HMGB1: variants seen among roughly 807,000 people sequenced by gnomAD.
The protein encoded by HMGB1 is high mobility group box 1.
For synonymous variants in HMGB1, 81 were observed against 84.0 expected (o/e 0.96, Z 0.19); for missense variants, 79 against 253.5 (o/e 0.31, Z 4.67).
intron 1 of HMGB1, among the ~76,000 whole-genome samples, chr13:30,551,356 A>G (rs1481883451): frequency 6.6e-6 from 1 of 152,238 alleles, no homozygotes; most frequent in East Asian, 1.9e-4. Flanking sequence ...CTCACTGAGT[A>G]TAGGGGATTG....
intron 1 of HMGB1, among the ~76,000 whole-genome samples, chr13:30,574,193 A>G (rs987773466): frequency 5.3e-5 from 8 of 152,344 alleles, no homozygotes; most frequent in East Asian, 3.9e-4. Flanking sequence ...CCTACGTCCA[A>G]CTGGAATTAA....
At chr13:30,592,704 A>G (rs1487728344) in intron 1 of HMGB1, among the ~76,000 whole-genome samples, 1 of 152,204 alleles carries the variant, frequency 6.6e-6, no homozygotes, top group Non-Finnish European at 1.5e-5. Flanking sequence ...AAATCTAAAG[A>G]AAGTCAGGAA....
intron 4 of HMGB1, among the ~76,000 whole-genome samples, chr13:30,461,878 G>A (rs562719156): frequency 1.3e-5 from 2 of 151,952 alleles, no homozygotes; most frequent in African/African-American, 4.8e-5. Context: ...ATGCAAAAAA[G>A]CACTCTACAG....
intron 1 of HMGB1, among the ~76,000 whole-genome samples, chr13:30,550,823 T>C (rs1869393306): frequency 6.6e-6 from 1 of 152,256 alleles, no homozygotes; most frequent in Non-Finnish European, 1.5e-5. Context: ...TCATGTGTCA[T>C]ATATTACATT....
At chr13:30,561,715 T>C (rs762277014) in intron 1 of HMGB1, among the ~76,000 whole-genome samples, 4 of 151,998 alleles carry the variant, frequency 2.6e-5, no homozygotes, top group East Asian at 1.9e-4. Flanking sequence ...AGAAAGGAAT[T>C]TGTGGCTAAG....
At chr13:30,512,088 AG>A (rs1412907223) in intron 1 of HMGB1, among the ~76,000 whole-genome samples, 1 of 151,940 alleles carries the variant, frequency 6.6e-6, no homozygotes, top group Non-Finnish European at 1.5e-5. Context: ...CTGAGGCAGG[AG>A]GATCACTTGA....
rs1046553240 is a variant in HMGB1 at position 30,459,139 on chromosome 13, T to C, written c.*2218A>G. ...GCATTAAAATAGTTTCTATACACTT[T>C]CTAAAAAAAATCATCTTCAGTTACA... On this transcript the variant is annotated 3_prime_UTR_variant, in exon 5 of 5. Transcript: ENST00000341423. 9.9e-5 allele frequency: 15 copies of C among 151,900 alleles called. No individual in the cohort carries two copies. The highest frequency in any genetic ancestry group is 5.9e-5 in the Non-Finnish European group (4 of 67,972). The allele number at this position is 151,900 out of a possible 1,614,324, so 9.4% of individuals were successfully genotyped here.
At chr13:30,477,986 T>A (rs1887137336) in intron 1 of HMGB1, among the ~76,000 whole-genome samples, 1 of 152,234 alleles carries the variant, frequency 6.6e-6, no homozygotes, top group South Asian at 2.1e-4. Flanking sequence ...AGGTTGCTGT[T>A]GATCCTTGTT....
At chr13:30,475,776 GA>G (rs1887082852) in intron 1 of HMGB1, among the ~76,000 whole-genome samples, 1 of 152,140 alleles carries the variant, frequency 6.6e-6, no homozygotes, top group South Asian at 2.1e-4. Context: ...GGCTTCTTTT[GA>G]AAAGTGAGAG....
chr13:30,502,425 C>T lies in HMGB1; in HGVS notation c.-14-38731G>A, dbSNP rs1473576222. Among the ~76,000 whole-genome samples the T allele has an allele frequency of 2.0e-5, 3 of 152,154 alleles. No homozygotes were observed. In the East Asian group the frequency reaches 5.8e-4, roughly 29 times the overall value. On this transcript the variant is annotated intron_variant, in intron 1 of 4. Coordinates refer to the HMGB1 transcript ENST00000405805. ...TAAGGCCCATCCCCCATCTCAGTTC[C>T]TTCCTTGCAATTAACAGTTATTCTA... is the stretch of plus-strand genomic sequence containing the variant.
At chr13:30,560,554 C>T (rs1348724736) in intron 1 of HMGB1, among the ~76,000 whole-genome samples, 1 of 152,070 alleles carries the variant, frequency 6.6e-6, no homozygotes. Context: ...TTTTTCCTCC[C>T]AAGGAGTATA....
intron 1 of HMGB1, among the ~76,000 whole-genome samples, chr13:30,533,866 C>CTTTT (rs398056244): frequency 1.4e-5 from 2 of 142,758 alleles, no homozygotes; most frequent in African/African-American, 2.6e-5. Context: ...TAAAGACTAT[C>CTTTT]TTTTTTTTTT....
chr13:30,593,625 T>A (rs1871469389), intron 1 of HMGB1, among the ~76,000 whole-genome samples: 1 of 152,238 alleles, frequency 6.6e-6, no homozygotes, highest in South Asian at 2.1e-4. Context: ...ACATTTTGGT[T>A]TTCCAATTTG....
chr13:30,529,065 T>C (rs1251758723), intron 1 of HMGB1, among the ~76,000 whole-genome samples: 2 of 147,110 alleles, frequency 1.4e-5, no homozygotes, highest in African/African-American at 5.1e-5. Context: ...AAAGATTGAA[T>C]TTTGGATGTC....
intron 1 of HMGB1, among the ~76,000 whole-genome samples, chr13:30,503,515 T>C (rs879588434): frequency 1.4e-4 from 21 of 152,082 alleles, no homozygotes; most frequent in Non-Finnish European, 2.6e-4. Context: ...TACTGTATCT[T>C]TTATGGATAA....
At chr13:30,527,697 C>A (rs1888399908) in intron 1 of HMGB1, among the ~76,000 whole-genome samples, 1 of 152,166 alleles carries the variant, frequency 6.6e-6, no homozygotes, top group Non-Finnish European at 1.5e-5. Flanking sequence ...CAGCCCTATG[C>A]TGTGCTGAAG....
At chr13:30,592,296 T>C (rs1210153188) in intron 1 of HMGB1, among the ~76,000 whole-genome samples, 1 of 152,180 alleles carries the variant, frequency 6.6e-6, no homozygotes, top group Non-Finnish European at 1.5e-5. Flanking sequence ...TTGGCATATT[T>C]AGTTACTGTA....
At chr13:30,577,196 C>T (rs146331955) in intron 1 of HMGB1, among the ~76,000 whole-genome samples, 205 of 152,066 alleles carry the variant, frequency 1.3e-3, no homozygotes, top group African/African-American at 4.8e-3. Context: ...ATAAAATAGT[C>T]AGACACAGTG....
intron 1 of HMGB1, among the ~76,000 whole-genome samples, chr13:30,549,679 G>A (rs1223809755): frequency 1.3e-5 from 2 of 151,020 alleles, no homozygotes; most frequent in Non-Finnish European, 2.9e-5. Context: ...ACGGGCATGA[G>A]CCACTGTGCC....
Sources: allele counts gnomAD v4.1 joint callset (sites outside exome capture counted in the v4.1 genomes callset), GRCh38; gene constraint gnomAD v4.1.1; transcripts MANE v1.5; gene names NCBI Gene and HGNC (gene_info 2026-07-23, HGNC 2026-07-21).